The following RAP1GAP variants were observed in gnomAD, a reference collection of about 807,000 sequenced individuals.
The protein encoded by RAP1GAP is rap1 GTPase-activating protein 1.
Under a neutral mutation model 87.2 loss-of-function variants are expected in RAP1GAP, and 35 were observed. The ratio of observed to expected loss-of-function variants is 0.40; its 90% confidence interval spans 0.31 to 0.53. The LOEUF (loss-of-function observed/expected upper bound fraction) is 0.53, where lower values mean the gene tolerates loss of function less well. RAP1GAP is among the 20% of genes least tolerant of loss of function. The probability of loss-of-function intolerance (pLI) is 0.48; values close to 1 mark genes in which losing one functional copy is unlikely to be tolerated. For missense variants in RAP1GAP, 734 were observed against 898.9 expected (o/e 0.82, Z 2.35); for synonymous variants, 375 against 363.9 (o/e 1.03, Z -0.35).
chr1:21,651,832 G>C, intron 1 of RAP1GAP: 1 of 1,200,784 alleles, frequency 8.3e-7, no homozygotes, highest in Non-Finnish European at 1.0e-6. Flanking sequence ...TGGTGCCGCC[G>C]CCGCCGCCCG....
chr1:21,597,385 C>G (rs2148325214), intron 24 of RAP1GAP, 121 bp from the exon 25 acceptor site: 3 of 316,912 alleles, frequency 9.5e-6, no homozygotes, highest in Admixed American at 9.3e-5. Flanking sequence ...GGGGCCCACC[C>G]TTGGAATTCC....
At chr1:21,636,886 AAAG>A (rs2094772144) in intron 2 of RAP1GAP, among the ~76,000 whole-genome samples, 1 of 138,500 alleles carries the variant, frequency 7.2e-6, no homozygotes, top group Non-Finnish European at 1.6e-5. Context: ...GGAAGGAAGG[AAAG>A]AAGGAAGGAA....
intron 3 of RAP1GAP, among the ~76,000 whole-genome samples, chr1:21,625,929 T>C (rs928925785): frequency 2.0e-5 from 3 of 152,220 alleles, no homozygotes; most frequent in Non-Finnish European, 4.4e-5. Context: ...GTCTGTACTT[T>C]GCAGCAATCT....
Position 21,609,529 on chromosome 1 carries a change from C to A in RAP1GAP, c.1071+46G>T. On this transcript the variant is annotated intron_variant, in intron 15 of 24. Transcript: ENST00000374765. The surrounding 1 kb of genome is among the most constrained non-coding windows in gnomAD (Gnocchi z 4.4). Reference sequence around the variant, plus strand: ...AATGTGTATGCACCCCCCAGGCCCCCACCCATTTGTCCTGCTCTGCCCATG... The same window carrying A: ...AATGTGTATGCACCCCCCAGGCCCCAACCCATTTGTCCTGCTCTGCCCATG... 8.6e-7 allele frequency: 1 copy of A among 1,163,688 alleles called. No individual in the cohort carries two copies. 72.1% of individuals were successfully genotyped at this position (1,163,688 alleles called of 1,614,324 possible). A position where few individuals can be genotyped will look rare whatever the true frequency, so the allele number is the denominator to read the frequency against.
At chr1:21,636,926 G>GAGGGAGGGAGGGAGGGAGGA (rs779644356) in intron 2 of RAP1GAP, among the ~76,000 whole-genome samples, 2 of 128,164 alleles carry the variant, frequency 1.6e-5, no homozygotes, top group Non-Finnish European at 3.4e-5. Context: ...GGGAGGGAGG[G>GAGGGAGGGAGGGAGGGAGGA]AGGGAGGGAG....
Position 21,650,799 on chromosome 1 carries a change from A to G in RAP1GAP, c.-148-1003T>C, listed in dbSNP as rs894791996. Among the ~76,000 whole-genome samples the G allele has an allele frequency of 8.5e-5, 13 of 152,092 alleles. 1 individual carries two copies. Among genetic ancestry groups the G allele is most frequent in the African/African-American group, 3.1e-4 (13 of 41,416 alleles). ...ATCACCTGACAGCTAGCAAGACCCC[A>G]TATGGAAGGGTAGCCTCTGGCCTCC... On this transcript the variant is annotated intron_variant, in intron 1 of 24. Transcript: ENST00000374765.
rs567495242 is a variant in RAP1GAP, at chr1:21,615,926, T to C, written c.291+1380A>G. Among the ~76,000 whole-genome samples, 3 of 152,278 alleles carry C rather than the reference T, an allele frequency of 2.0e-5. No individual in the cohort carries two copies. The highest frequency in any genetic ancestry group is 2.0e-4 in the Admixed American group (3 of 15,296). On this transcript the variant is annotated intron_variant, in intron 7 of 24. Transcript: ENST00000374765. This position sits in a 1 kb window ranked among gnomAD's most constrained non-coding sequence, Gnocchi z 4.5. Reference sequence around the variant, plus strand: ...GCAGGTCTCGCTCCACCTCTAGGGCTCAGCTGGGAAGTGGAATTCCATGCT... The same window carrying C: ...GCAGGTCTCGCTCCACCTCTAGGGCCCAGCTGGGAAGTGGAATTCCATGCT...
intron 1 of RAP1GAP, among the ~76,000 whole-genome samples, chr1:21,658,133 A>G (rs902291769): frequency 5.9e-5 from 9 of 152,176 alleles, no homozygotes; most frequent in Non-Finnish European, 1.3e-4. Flanking sequence ...AGCCCGGGTA[A>G]CCCATCCTAG....
At chr1:21,629,218 G>GT (rs1249374667) in intron 2 of RAP1GAP, among the ~76,000 whole-genome samples, 2 of 152,182 alleles carry the variant, frequency 1.3e-5, no homozygotes, top group Non-Finnish European at 2.9e-5. Flanking sequence ...AAGTCCTGGG[G>GT]TAGAAGCCCG....
chr1:21,620,188 C>G, intron 3 of RAP1GAP, 138 bp from the exon 4 acceptor site: 1 of 855,026 alleles, frequency 1.2e-6, no homozygotes, highest in South Asian at 1.6e-5. Flanking sequence ...GCGGGAGTGA[C>G]GGGAGCATCG....
intron 5 of RAP1GAP, 90 bp from the exon 6 acceptor site, chr1:21,618,062 G>A: frequency 6.6e-7 from 1 of 1,513,588 alleles, no homozygotes; most frequent in Non-Finnish European, 9.2e-7. Context: ...CCTCAGGGCT[G>A]AGAGTGCGGA....
chr1:21,636,938 G>GAGGA (rs2094813592), intron 2 of RAP1GAP, among the ~76,000 whole-genome samples: 1 of 117,450 alleles, frequency 8.5e-6, no homozygotes, highest in African/African-American at 3.2e-5. Flanking sequence ...GGGAGGGAGG[G>GAGGA]AGGGAGGAAG....
Position 21,602,930 on chromosome 1 carries a change from C to T in RAP1GAP, c.1429-17G>A. On this transcript the variant is annotated splice_polypyrimidine_tract_variant and intron_variant, in intron 18 of 24. Coordinates refer to ENST00000374765, the MANE Select transcript of RAP1GAP (RefSeq NM_002885.4). ...AATCAGTGACTGTGGGGAGAGGCCC[C>T]AACTCAGTGCCACCTTACCTGGGAG... The T allele has an allele frequency of 6.3e-7, 1 of 1,579,370 alleles. No individual in the cohort carries two copies.
At chr1:21,637,009 T>C (rs2094844738) in intron 2 of RAP1GAP, among the ~76,000 whole-genome samples, 1 of 150,898 alleles carries the variant, frequency 6.6e-6, no homozygotes, top group African/African-American at 2.4e-5. Flanking sequence ...GGTACCGAGC[T>C]CTGCATCAAG....
At chr1:21,618,101 G>T in intron 5 of RAP1GAP, 129 bp from the exon 6 acceptor site, 1 of 1,067,650 alleles carries the variant, frequency 9.4e-7, no homozygotes, top group Non-Finnish European at 1.4e-6. Context: ...ACCTCTTACA[G>T]ATGGGCAGGG....
rs200239739 is a variant in RAP1GAP, at chr1:21,667,234, G to A, written c.-149+2020C>T. Among the ~76,000 whole-genome samples the A allele has an allele frequency of 2.0e-5, 3 of 152,234 alleles. No individual in the cohort carries two copies. The East Asian group carries it at 5.8e-4, about 29-fold the overall frequency. On this transcript the variant is annotated intron_variant, in intron 1 of 24. Transcript: ENST00000374765. ...GGCCCCAGAATTTGACAGCAGGGCA[G>A]GGGCAGGGCCAGGTGAGAGGGAGGT...
rs1646018585 is a variant in RAP1GAP at position 21,597,839 on chromosome 1, C to T, written c.1984-111G>A. ...GTGTCCAGGCCGGGCAAGCCCCACC[C>T]CTCCTGGCCTAGCGGGGCCTAGGGG... On this transcript the variant is annotated intron_variant, in intron 23 of 24. Transcript: ENST00000374765. The T allele has an allele frequency of 6.6e-6, 10 of 1,524,458 alleles. No homozygotes were observed. In the Admixed American group the frequency reaches 7.1e-5, roughly 11 times the overall value. The allele number at this position is 1,524,458 out of a possible 1,614,324, so 94.4% of individuals were successfully genotyped here.
At position 21,613,337 on chromosome 1, in the gene RAP1GAP, G is replaced by A; in HGVS notation, c.475-108C>T. The A allele has an allele frequency of 9.5e-7, 1 of 1,048,108 alleles. No individual in the cohort carries two copies. Among genetic ancestry groups the A allele is most frequent in the Non-Finnish European group, 1.5e-6 (1 of 672,792 alleles). The allele number at this position is 1,048,108 out of a possible 1,614,324, so 64.9% of individuals were successfully genotyped here. ...TCTGGGGAGGAGCCATGCTGGGAAT[G>A]GCCAAGGCTAAAGCAGGACTCGGGG... is the stretch of plus-strand genomic sequence containing the variant. On this transcript the variant is annotated intron_variant, in intron 9 of 24. Transcript: ENST00000374765. This position sits in a 1 kb window ranked among gnomAD's most constrained non-coding sequence, Gnocchi z 4.7.
At chr1:21,651,909 C>T (rs1050759106) in intron 1 of RAP1GAP, 4 of 943,396 alleles carry the variant, frequency 4.2e-6, no homozygotes, top group Non-Finnish European at 3.8e-6. Context: ...GGCCGCCCCG[C>T]CCCCGCCCCC....
Sources: allele counts gnomAD v4.1 joint callset (sites outside exome capture counted in the v4.1 genomes callset), GRCh38; gene constraint gnomAD v4.1.1; non-coding constraint Gnocchi (gnomAD v3.1); transcripts MANE v1.5; gene names NCBI Gene and HGNC (gene_info 2026-07-23, HGNC 2026-07-21).